The following C3orf22 variants were observed in gnomAD, a reference collection of about 807,000 sequenced individuals.
The protein encoded by C3orf22 is uncharacterized protein C3orf22.
A neutral mutation model predicts 10.8 loss-of-function variants in C3orf22; 7 were observed. The ratio of observed to expected loss-of-function variants is 0.65; its 90% CI spans 0.37 to 1.22. The LOEUF (loss-of-function observed/expected upper bound fraction) is 1.22. Ranked by LOEUF, C3orf22 falls within the 50% of genes most tolerant of loss-of-function variation. The probability of loss-of-function intolerance (pLI) is 0.02; values close to 1 mark genes in which losing one functional copy is unlikely to be tolerated. For missense variants in C3orf22, 173 were observed against 177.0 expected, an observed-to-expected ratio of 0.98 and a Z score of 0.13; for synonymous variants, 79 against 78.9, an observed-to-expected ratio of 1.00 and a Z score of 0.00.
At chr3:126,528,249 C>T (rs1482315841) in intron 5 of C3orf22, among the ~76,000 whole-genome samples, 1 of 152,000 alleles carries the variant, frequency 6.6e-6, no homozygotes, top group Non-Finnish European at 1.5e-5. Context: ...GGCTGGGGTG[C>T]TCTTCCTATG....
intron 4 of C3orf22, among the ~76,000 whole-genome samples, chr3:126,530,179 G>A (rs1014989647): frequency 9.9e-5 from 15 of 152,230 alleles, no homozygotes; most frequent in African/African-American, 3.4e-4. Context: ...CAGGCTCCTC[G>A]GGGCAGGGTG....
chr3:126,536,111 C>A (rs1936784492), intron 4 of C3orf22, among the ~76,000 whole-genome samples: 1 of 152,106 alleles, frequency 6.6e-6, no homozygotes, highest in Non-Finnish European at 1.5e-5. Flanking sequence ...GTACCCCCTG[C>A]CATCCCCCAC....
chr3:126,556,960 AC>A (rs2107586986), intron 1 of C3orf22, among the ~76,000 whole-genome samples: 2 of 151,740 alleles, frequency 1.3e-5, no homozygotes, highest in African/African-American at 4.8e-5. Context: ...ACACACAGAC[AC>A]ACATAGATTC....
chr3:126,536,922 CA>C (rs1362534968), intron 4 of C3orf22, among the ~76,000 whole-genome samples: 86 of 151,030 alleles, frequency 5.7e-4, no homozygotes, highest in African/African-American at 1.1e-3. Flanking sequence ...CACACACACA[CA>C]CCCCACACAC....
At position 126,541,830 on chromosome 3, in the gene C3orf22, C is replaced by G. The variant is rs374324912; in HGVS notation, c.286+7707G>C. The G allele has an allele frequency of 1.1e-5, 17 of 1,570,294 alleles. No individual in the cohort carries two copies. In the African/African-American group the frequency reaches 1.5e-4, roughly 14 times the overall value. On this transcript the variant is annotated intron_variant and NMD_transcript_variant, in intron 4 of 5. Transcript: ENST00000505070. ...TCACGCCGGCAGCGCCTGCTACAGC[C>G]GGAGGACCTGCGGCACGTGCTGGTG...
At chr3:126,552,729 G>A (rs543269325) in intron 2 of C3orf22, among the ~76,000 whole-genome samples, 1 of 152,344 alleles carries the variant, frequency 6.6e-6, no homozygotes, top group Non-Finnish European at 1.5e-5. Flanking sequence ...TGAGCATGGA[G>A]TGGGAAGCTT....
rs552138507 is a variant in C3orf22 at position 126,552,573 on chromosome 3, C to T, written c.90-451G>A. Among the ~76,000 whole-genome samples the T allele has an allele frequency of 2.4e-4, 37 of 152,314 alleles. No homozygotes were observed. The South Asian group carries it at 4.6e-3, about 19-fold the overall frequency. ...GACAAGAACAGGTGCTCAGCTGGCC[C>T]GGCACAGGGACACAGCATGGAGCTC... On this transcript the variant is annotated intron_variant, in intron 2 of 3. Coordinates refer to ENST00000318225, the MANE Select transcript of C3orf22 (RefSeq NM_152533.3).
chr3:126,540,345 G>C (rs1936932078), intron 4 of C3orf22, among the ~76,000 whole-genome samples: 1 of 152,140 alleles, frequency 6.6e-6, no homozygotes. Flanking sequence ...CTCAAAAGCA[G>C]CCCAGTGTCA....
downstream of C3orf22, chr3:126,549,648 A>G: frequency 6.6e-7 from 1 of 1,509,290 alleles, no homozygotes. Flanking sequence ...TAGAGATGAG[A>G]AAATGAAGGC....
intron 5 of C3orf22, chr3:126,529,057 G>A (rs1015999199): frequency 4.5e-5 from 16 of 354,526 alleles, no homozygotes; most frequent in Middle Eastern, 7.5e-4. Context: ...ACCAGAAGCC[G>A]AGTGTCATCA....
intron 4 of C3orf22, among the ~76,000 whole-genome samples, chr3:126,531,772 T>G (rs1321033143): frequency 1.3e-5 from 2 of 152,248 alleles, no homozygotes; most frequent in Non-Finnish European, 2.9e-5. Flanking sequence ...GATGGGAACA[T>G]TTGTGAACAA....
At chr3:126,542,711 G>A (rs1936998003) in intron 4 of C3orf22, 3 of 1,294,582 alleles carry the variant, frequency 2.3e-6, no homozygotes, top group Admixed American at 4.0e-5. Flanking sequence ...CCGGGCCAGC[G>A]GGCGCAGGGC....
intron 4 of C3orf22, among the ~76,000 whole-genome samples, chr3:126,544,340 A>G (rs1260743928): frequency 6.6e-6 from 1 of 152,240 alleles, no homozygotes; most frequent in Admixed American, 6.5e-5. Context: ...TTCAGCCTCC[A>G]TAACTGTAAA....
exon 6 of C3orf22, chr3:126,527,349 G>A (rs901353738): frequency 3.3e-5 from 5 of 152,296 alleles, no homozygotes; most frequent in Admixed American, 3.3e-4. Flanking sequence ...AAAAGGCCAG[G>A]TGCCTCTGCC....
intron 2 of C3orf22, among the ~76,000 whole-genome samples, 155 bp downstream of exon 2, chr3:126,553,147 C>A (rs1212844515): frequency 6.6e-6 from 1 of 152,190 alleles, no homozygotes; most frequent in East Asian, 1.9e-4. Context: ...CGAAGGCGGA[C>A]CCCAGACTGT....
chr3:126,542,490 C>G, intron 4 of C3orf22: 2 of 1,582,846 alleles, frequency 1.3e-6, no homozygotes, highest in Non-Finnish European at 1.7e-6. Flanking sequence ...GACATCAGCC[C>G]CTTCTACCAG....
intron 4 of C3orf22, chr3:126,542,427 C>T: frequency 1.3e-6 from 2 of 1,554,334 alleles, no homozygotes; most frequent in Middle Eastern, 1.7e-4. Context: ...CCTGGGCCGC[C>T]GCGGCCCCGG....
intron 2 of C3orf22, among the ~76,000 whole-genome samples, chr3:126,552,703 C>T (rs1937223591): frequency 6.6e-6 from 1 of 152,202 alleles, no homozygotes; most frequent in Admixed American, 6.5e-5. Flanking sequence ...ACAACACTTG[C>T]TTCTGGGGTG....
At chr3:126,542,069 G>C in intron 4 of C3orf22, 1 of 1,583,794 alleles carries the variant, frequency 6.3e-7, no homozygotes, top group Non-Finnish European at 8.6e-7. Flanking sequence ...CTTCCTGTTC[G>C]TGCGGGAGCC....
Sources: allele counts gnomAD v4.1 joint callset (sites outside exome capture counted in the v4.1 genomes callset), GRCh38; gene constraint gnomAD v4.1.1; transcripts MANE v1.5; gene names NCBI Gene and HGNC (gene_info 2026-07-23, HGNC 2026-07-21).